SNORC: variants seen among roughly 807,000 people sequenced by gnomAD.
SNORC encodes secondary ossification center associated regulator of chondrocyte maturation, also known as protein SNORC.
In SNORC, 11 loss-of-function variants were observed where a neutral mutation model predicts 9.7. The observed-to-expected ratio is 1.14, with a 90% CI of 0.72 to 1.88. The LOEUF (loss-of-function observed/expected upper bound fraction) is 1.88, where lower values mean the gene tolerates loss of function less well. SNORC is among the 40% of genes most tolerant of loss of function. SNORC has a pLI of 0.00. For missense variants in SNORC, 197 were observed against 173.1 expected, an observed-to-expected ratio of 1.14 and a Z score of -0.77; for synonymous variants, 108 against 88.7, an observed-to-expected ratio of 1.22 and a Z score of -1.22.
intron 1 of SNORC, 24 bp from the exon 2 acceptor site, chr2:232,875,916 C>G: frequency 1.3e-6 from 2 of 1,536,386 alleles, no homozygotes; most frequent in Non-Finnish European, 1.8e-6. Flanking sequence ...CCTGGGGCCC[C>G]AGCACCTCTC....
upstream of SNORC, among the ~76,000 whole-genome samples, chr2:232,867,244 C>T (rs910146880): frequency 1.3e-5 from 2 of 152,200 alleles, no homozygotes; most frequent in Non-Finnish European, 2.9e-5. Context: ...TACTACTGTG[C>T]ACTTCCATAA....
intron 1 of SNORC, among the ~76,000 whole-genome samples, chr2:232,870,860 C>T (rs1163487130): frequency 1.3e-5 from 2 of 152,156 alleles, no homozygotes; most frequent in Admixed American, 6.5e-5. Flanking sequence ...AGAATGAGGA[C>T]CCAGGTACTG....
intron 1 of SNORC, 139 bp from the exon 2 acceptor site, chr2:232,875,801 G>C (rs1023240107): frequency 1.2e-5 from 11 of 923,666 alleles, no homozygotes; most frequent in African/African-American, 5.2e-5. Context: ...CTTAGCCTGG[G>C]AAATGTGAGG....
At chr2:232,872,324 G>A (rs560219278) in intron 1 of SNORC, among the ~76,000 whole-genome samples, 329 of 152,328 alleles carry the variant, frequency 2.2e-3, no homozygotes, top group Non-Finnish European at 3.7e-3. Context: ...GGCTGAGCGG[G>A]CAGGAGGCCA....
chr2:232,873,997 G>A (rs1166609216), intron 1 of SNORC, among the ~76,000 whole-genome samples: 2 of 152,242 alleles, frequency 1.3e-5, no homozygotes, highest in African/African-American at 2.4e-5. Flanking sequence ...TTCTGCCTTG[G>A]GCCAGCCCTG....
At chr2:232,876,909 G>C, downstream of SNORC, 1 of 985,444 alleles carries the variant, frequency 1.0e-6, no homozygotes, top group Non-Finnish European at 1.2e-6. The surrounding 1 kb of genome is among the most constrained non-coding windows in gnomAD (Gnocchi z 6.8). Context: ...GGGGTTCAGA[G>C]CGTTCCGTGA....
downstream of SNORC, chr2:232,876,506 C>T (rs1691252712): frequency 1.6e-6 from 2 of 1,279,270 alleles, no homozygotes; most frequent in South Asian, 2.6e-5. The surrounding 1 kb of genome is among the most constrained non-coding windows in gnomAD (Gnocchi z 6.8). Flanking sequence ...CGCGCGGGGC[C>T]GAGGGTGGGT....
At chr2:232,876,488 C>T (rs1691250931), downstream of SNORC, 2 of 1,315,322 alleles carry the variant, frequency 1.5e-6, no homozygotes, top group South Asian at 2.1e-5. The surrounding 1 kb of genome is among the most constrained non-coding windows in gnomAD (Gnocchi z 6.8). Context: ...GCGCTCAGGG[C>T]GGGGGTGCGC....
At chr2:232,871,639 G>A (rs2592115) in intron 1 of SNORC, among the ~76,000 whole-genome samples, 94,403 of 152,150 alleles carry the variant, frequency 0.62, 29,579 homozygotes, top group East Asian at 0.67. Flanking sequence ...CCCTTGTGGT[G>A]GAAGAGGCGC....
downstream of SNORC, chr2:232,878,486 TTC>T (rs1372195536): frequency 1.3e-5 from 2 of 152,998 alleles, no homozygotes; most frequent in African/African-American, 4.8e-5. Context: ...AAACAGCCCT[TTC>T]TGTTTCTGGA....
chr2:232,873,173 CT>C (rs1691095938), intron 1 of SNORC, among the ~76,000 whole-genome samples: 1 of 152,240 alleles, frequency 6.6e-6, no homozygotes, highest in Non-Finnish European at 1.5e-5. Context: ...GTGCAAGATG[CT>C]TGACAGCATA....
At chr2:232,877,252 A>G, downstream of SNORC, 3 of 985,394 alleles carry the variant, frequency 3.0e-6, no homozygotes, top group Non-Finnish European at 3.6e-6. Flanking sequence ...AGGGAGAGAA[A>G]ACGGCTTTCC....
intron 1 of SNORC, among the ~76,000 whole-genome samples, chr2:232,875,157 T>C (rs977620975): frequency 3.3e-5 from 5 of 152,128 alleles, no homozygotes; most frequent in African/African-American, 7.2e-5. Context: ...CTGGCCAACA[T>C]GGCAAACCCC....
chr2:232,869,830 AGTCC>A (rs776326041), upstream of SNORC: 15 of 190,292 alleles, frequency 7.9e-5, no homozygotes, highest in Non-Finnish European at 1.2e-4. Flanking sequence ...AGGTGAGCAG[AGTCC>A]GTCCTGCACT....
chr2:232,877,390 T>C (rs1691313877), downstream of SNORC: 1 of 983,574 alleles, frequency 1.0e-6, no homozygotes, highest in Non-Finnish European at 1.2e-6. Flanking sequence ...TTTAACCTGC[T>C]CAGCACAGCA....
Position 232,876,297 on chromosome 2 carries a change from G to A in SNORC, c.307G>A (p.Ala103Thr). 6.5e-7 allele frequency: 1 copy of A among 1,542,988 alleles called. No homozygotes were observed. Residue 103 changes from alanine to threonine, a missense_variant, in exon 3 of 3, where the codon GCC becomes ACC. Transcript: ENST00000331342. This position sits in a 1 kb window ranked among gnomAD's most constrained non-coding sequence, Gnocchi z 6.8. The stretch of plus-strand genomic sequence containing the variant: ...GGCCATCGTGATCGCCGCCCTGCTG[G>A]CCACCTGCGTGGTGCTGGCGCTCGT...
chr2:232,876,131 G>A lies in SNORC; in HGVS notation c.256+9G>A, dbSNP rs1312222359. ...GCTGGACCAGGGCGGCGGTACGGGC[G>A]GGGCGGGGGAGGGAGGGGAGAGGGA... On this transcript the variant is annotated intron_variant, in intron 2 of 2. Transcript: ENST00000331342. The surrounding 1 kb of genome is among the most constrained non-coding windows in gnomAD (Gnocchi z 6.8). The A allele has an allele frequency of 6.7e-7, 1 of 1,491,406 alleles. No individual in the cohort carries two copies. Among genetic ancestry groups the A allele is most frequent in the African/African-American group, 1.5e-5 (1 of 68,802 alleles). 92.4% of individuals were successfully genotyped at this position (1,491,406 alleles called of 1,614,324 possible).
intron 1 of SNORC, among the ~76,000 whole-genome samples, chr2:232,872,128 G>GGGAGGCTTTCAGC (rs141459131): frequency 2.0e-4 from 30 of 152,230 alleles, no homozygotes; most frequent in Middle Eastern, 3.4e-3. Context: ...GAGAGCGTTT[G>GGGAGGCTTTCAGC]ACCCCACCCC....
At chr2:232,866,702 GA>G (rs200266276), upstream of SNORC, among the ~76,000 whole-genome samples, 5 of 150,740 alleles carry the variant, frequency 3.3e-5, no homozygotes, top group South Asian at 2.1e-4. Context: ...AACACCCTTT[GA>G]AAAAAAAAGT....
Sources: allele counts gnomAD v4.1 joint callset (sites outside exome capture counted in the v4.1 genomes callset), GRCh38; gene constraint gnomAD v4.1.1; non-coding constraint Gnocchi (gnomAD v3.1); transcripts MANE v1.5; gene names NCBI Gene and HGNC (gene_info 2026-07-23, HGNC 2026-07-21).